TGS1: variants seen among roughly 807,000 people sequenced by gnomAD.
The protein encoded by TGS1 is trimethylguanosine synthase 1, also known as trimethylguanosine synthase.
In TGS1, 69 loss-of-function variants were observed where a neutral mutation model predicts 92.2. The ratio of observed to expected loss-of-function variants is 0.75; its 90% CI spans 0.62 to 0.91. The LOEUF is 0.91. Among genes scored for constraint, TGS1 ranks in the 40% least tolerant of loss-of-function variants. The pLI is 0.00. For missense variants in TGS1, 1,062 were observed against 1,001.2 expected (o/e 1.06, Z -0.82); for synonymous variants, 345 against 338.1 (o/e 1.02, Z -0.22).
rs777148018 is a variant in TGS1, at chr8:55,796,063, C to T, written c.1453C>T (p.Arg485Cys). ...VKLKSKYLDM[R>C]RQIKMKNKHI... ...GCTTAAGTCTAAGTACCTAGACATG[C>T]GCAGACAAATAAAGATGAAAAACAA... The change falls in exon 7 of 13, where the codon CGC (arginine) becomes TGC (cysteine). Residue 485 changes from arginine (R) to cysteine (C), a missense_variant. Physicochemically the swap from Arg to Cys is radical, Grantham distance 180. Coordinates refer to ENST00000260129, the MANE Select transcript of TGS1 (RefSeq NM_024831.8). 68 of 1,612,186 alleles carry T rather than the reference C, an allele frequency of 4.2e-5. No individual in the cohort carries two copies. Among genetic ancestry groups the T allele is most frequent in the East Asian group, 4.5e-5 (2 of 44,796 alleles).
chr8:55,783,447 A>G lies in TGS1; in HGVS notation c.166+635A>G, dbSNP rs542484092. ...TTTAGAATATGTAAATTCTAATCAT[A>G]ATACACTTCATGAGAAGTGTATTAT... On this transcript the variant is annotated intron_variant, in intron 2 of 12. Coordinates refer to ENST00000260129, the MANE Select transcript of TGS1 (RefSeq NM_024831.8). Among the ~76,000 whole-genome samples the G allele has an allele frequency of 3.9e-5, 6 of 152,310 alleles. No individual in the cohort carries two copies. The East Asian group carries it at 1.2e-3, about 29-fold the overall frequency.
At chr8:55,821,802 G>A (rs1329754891) in intron 12 of TGS1, among the ~76,000 whole-genome samples, 1 of 151,812 alleles carries the variant, frequency 6.6e-6, no homozygotes, top group Non-Finnish European at 1.5e-5. Flanking sequence ...GAACCCAGGA[G>A]GCAGAGCTTG....
At chr8:55,802,432 C>T (rs938652927) in intron 8 of TGS1, 25 bp from the exon 9 acceptor site, 1 of 1,601,158 alleles carries the variant, frequency 6.2e-7, no homozygotes. Flanking sequence ...TAGTGAGCAT[C>T]TATATTCTTT....
At chr8:55,787,135 C>T in intron 4 of TGS1, 75 bp downstream of exon 4, 1 of 1,002,950 alleles carries the variant, frequency 1.0e-6, no homozygotes. Context: ...AACTACTAAT[C>T]CTTTATTGTA....
chr8:55,786,136 T>TTA (rs1811701915), intron 3 of TGS1, 102 bp from the exon 4 acceptor site: 1 of 776,844 alleles, frequency 1.3e-6, no homozygotes, highest in Non-Finnish European at 2.0e-6. Flanking sequence ...TAGTGGGGCT[T>TTA]TAGAGTATTT....
At chr8:55,791,420 C>T (rs946664132) in intron 5 of TGS1, among the ~76,000 whole-genome samples, 1 of 152,174 alleles carries the variant, frequency 6.6e-6, no homozygotes, top group South Asian at 2.1e-4. Flanking sequence ...ACTGCAGAGG[C>T]CTAACCATAA....
intron 9 of TGS1, 60 bp downstream of exon 9, chr8:55,802,666 G>A (rs527358356): frequency 1.3e-6 from 2 of 1,492,842 alleles, no homozygotes; most frequent in African/African-American, 1.4e-5. Flanking sequence ...TAAAAAGAAA[G>A]TTATAAGAAT....
At chr8:55,793,159 G>C (rs2130157295) in intron 6 of TGS1, among the ~76,000 whole-genome samples, 1 of 152,276 alleles carries the variant, frequency 6.6e-6, no homozygotes, top group African/African-American at 2.4e-5. Flanking sequence ...ATGAAACGTT[G>C]AAATCTGCAA....
intron 2 of TGS1, among the ~76,000 whole-genome samples, chr8:55,785,436 G>A (rs1811680590): frequency 6.6e-6 from 1 of 152,018 alleles, no homozygotes; most frequent in Admixed American, 6.6e-5. Flanking sequence ...AAGGTGGCAT[G>A]CAACTGTAAT....
At chr8:55,806,147 G>A (rs1320046133) in intron 10 of TGS1, among the ~76,000 whole-genome samples, 2 of 151,180 alleles carry the variant, frequency 1.3e-5, no homozygotes, top group Non-Finnish European at 2.9e-5. Context: ...CCTGAGGTGG[G>A]GAGTTCAAGA....
chr8:55,824,873 A>T lies in TGS1; in HGVS notation c.*170A>T. The T allele has an allele frequency of 5.8e-6, 4 of 689,072 alleles. No homozygotes were observed. The highest frequency in any genetic ancestry group is 9.4e-6 in the Non-Finnish European group (4 of 424,800). The allele number at this position is 689,072 out of a possible 1,614,324, so 42.7% of individuals were successfully genotyped here. A position where few individuals can be genotyped will look rare whatever the true frequency, so the allele number is the denominator to read the frequency against. On this transcript the variant is annotated 3_prime_UTR_variant, in exon 13 of 13. Transcript: ENST00000260129. ...TCAGTGAAATATTTTGAGATCTTTGAATAATTCCTTTAGAGGAATTATACA... is the reference window on the plus strand; with the variant it reads ...TCAGTGAAATATTTTGAGATCTTTGTATAATTCCTTTAGAGGAATTATACA...
intron 12 of TGS1, among the ~76,000 whole-genome samples, chr8:55,824,031 G>T (rs1803725597): frequency 6.6e-6 from 1 of 152,136 alleles, no homozygotes; most frequent in African/African-American, 2.4e-5. Flanking sequence ...CAGGAGAATT[G>T]CTTGAACCCG....
rs1811600869 is a variant in TGS1, at chr8:55,782,735, A to G, written c.102-13A>G. The G allele has an allele frequency of 1.3e-6, 2 of 1,594,710 alleles. No individual in the cohort carries two copies. Among genetic ancestry groups the G allele is most frequent in the Non-Finnish European group, 1.7e-6 (2 of 1,173,540 alleles). On this transcript the variant is annotated splice_polypyrimidine_tract_variant and intron_variant, in intron 1 of 12. Transcript: ENST00000260129. The stretch of plus-strand genomic sequence containing the variant: ...AATTCATTTCAATATGAACTGCTTA[A>G]TCTGCTTCGCAGGGATCGAAAATTG...
chr8:55,792,818 G>C (rs534857971), intron 6 of TGS1, 34 bp downstream of exon 6: 2 of 1,463,762 alleles, frequency 1.4e-6, no homozygotes, highest in African/African-American at 2.8e-5. Context: ...TTTTCCAGAA[G>C]TCCTAACCAC....
rs1803749184 is a variant in TGS1 at position 55,824,859 on chromosome 8, T to G, written c.*156T>G. On this transcript the variant is annotated 3_prime_UTR_variant, in exon 13 of 13. Coordinates refer to ENST00000260129, the MANE Select transcript of TGS1 (RefSeq NM_024831.8). ...ACAGGACTTAAATATCAGTGAAATATTTTGAGATCTTTGAATAATTCCTTT... is the reference window on the plus strand; with the variant it reads ...ACAGGACTTAAATATCAGTGAAATAGTTTGAGATCTTTGAATAATTCCTTT... 2 of 741,808 alleles carry G rather than the reference T, an allele frequency of 2.7e-6. No individual in the cohort carries two copies. The highest frequency in any genetic ancestry group is 4.3e-6 in the Non-Finnish European group (2 of 466,966). The allele number at this position is 741,808 out of a possible 1,614,324, so 46.0% of individuals were successfully genotyped here.
chr8:55,803,993 T>C lies in TGS1; in HGVS notation c.2000-900T>C, dbSNP rs1162222613. On this transcript the variant is annotated intron_variant, in intron 9 of 12. Coordinates refer to ENST00000260129, the MANE Select transcript of TGS1 (RefSeq NM_024831.8). ...CTTTCTGAAAAATGTAAATTTTTTC[T>C]ACTAGGAAAGAAGGAGGTCAGTATT... Among the ~76,000 whole-genome samples, 4 of 152,208 alleles carry C rather than the reference T, an allele frequency of 2.6e-5. No individual in the cohort carries two copies. In the East Asian group the frequency reaches 7.7e-4, roughly 29 times the overall value.
intron 12 of TGS1, among the ~76,000 whole-genome samples, chr8:55,817,898 C>T (rs575584402): frequency 6.6e-6 from 1 of 152,324 alleles, no homozygotes; most frequent in East Asian, 1.9e-4. Flanking sequence ...TATACATCTA[C>T]AGCATAGGAG....
intron 10 of TGS1, among the ~76,000 whole-genome samples, chr8:55,809,839 G>A (rs1439980906): frequency 6.6e-6 from 1 of 152,122 alleles, no homozygotes; most frequent in Non-Finnish European, 1.5e-5. Flanking sequence ...TAACTGAATC[G>A]ATTTGATGTT....
rs543924427 is a variant in TGS1 at position 55,776,802 on chromosome 8, G to A, written c.101+3083G>A. 2.0e-5 allele frequency among the ~76,000 whole-genome samples: 3 copies of A among 152,254 alleles called. No individual in the cohort carries two copies. The South Asian group carries it at 6.2e-4, about 32-fold the overall frequency. ...CACTAATTGTTCTACATTTTGTACTGACAGAGACTCTCCTTAACCAGACTT... is the reference window on the plus strand; with the variant it reads ...CACTAATTGTTCTACATTTTGTACTAACAGAGACTCTCCTTAACCAGACTT... On this transcript the variant is annotated intron_variant, in intron 1 of 12. Coordinates refer to ENST00000260129, the MANE Select transcript of TGS1 (RefSeq NM_024831.8).
Sources: gnomAD v4.1 joint callset for allele counts (sites outside exome capture counted in the v4.1 genomes callset) on GRCh38, gnomAD v4.1.1 for gene constraint, MANE v1.5 for transcripts, NCBI Gene and HGNC (gene_info 2026-07-23, HGNC 2026-07-21) for gene names.